INPP5K: variants seen among roughly 807,000 people sequenced by gnomAD.
INPP5K encodes the protein inositol polyphosphate-5-phosphatase K, also known as inositol polyphosphate 5-phosphatase K.
In INPP5K, 35 loss-of-function variants were observed where a neutral mutation model predicts 53.5. The ratio of observed to expected loss-of-function variants is 0.65; its 90% CI spans 0.50 to 0.87. The LOEUF is 0.87. INPP5K is among the 40% of genes least tolerant of loss of function. The pLI, the probability that INPP5K is intolerant of heterozygous loss-of-function variation, is 0.00. For synonymous variants in INPP5K, 253 were observed against 232.8 expected (o/e 1.09, Z -0.79); for missense variants, 550 against 586.2 (o/e 0.94, Z 0.64).
chr17:1,515,844 G>A (rs2075420846), intron 1 of INPP5K: 5 of 920,636 alleles, frequency 5.4e-6, no homozygotes, highest in Non-Finnish European at 6.5e-6. Flanking sequence ...AGAGGCTTAA[G>A]GAACAAAGAC....
chr17:1,512,353 G>C (rs999761844), intron 3 of INPP5K, among the ~76,000 whole-genome samples: 3 of 152,146 alleles, frequency 2.0e-5, no homozygotes, highest in African/African-American at 7.2e-5. Context: ...TCTACAGAAG[G>C]AGGCCTCTGG....
At chr17:1,498,344 CTG>C in intron 7 of INPP5K, 1 of 431,376 alleles carries the variant, frequency 2.3e-6, no homozygotes. Flanking sequence ...CCAGGACCCT[CTG>C]TATGTCTAGC....
chr17:1,496,380 T>A lies in INPP5K; in HGVS notation c.1124A>T (p.Asp375Val). 1 of 1,563,514 alleles carries A rather than the reference T, an allele frequency of 6.4e-7. No individual in the cohort carries two copies. The highest frequency in any genetic ancestry group is 2.4e-5 in the East Asian group (1 of 42,308). The stretch of plus-strand genomic sequence containing the variant: ...CCCGACCCAGGCATAGGACACGTAG[T>A]CATTAACGTCCCGCAGCCCCACCTG... The part of the protein sequence containing the change: ...LYKVGLRDVN[D>V]YVSYAWVGDS... Residue 375 changes from aspartate (D) to valine (V), a missense_variant, in exon 10 of 12, where the codon GAC becomes GTC. Transcript: ENST00000421807.
intron 7 of INPP5K, among the ~76,000 whole-genome samples, chr17:1,504,572 T>A (rs2150985301): frequency 6.6e-6 from 1 of 152,260 alleles, no homozygotes; most frequent in Non-Finnish European, 1.5e-5. Flanking sequence ...GGCTCATGAG[T>A]CTACAGACAC....
At chr17:1,513,754 A>C in intron 2 of INPP5K, 118 bp downstream of exon 2, 1 of 916,118 alleles carries the variant, frequency 1.1e-6, no homozygotes, top group Non-Finnish European at 1.7e-6. Flanking sequence ...CTGTCCCTGA[A>C]GCAGGCTGAA....
intron 7 of INPP5K, 70 bp from the exon 8 acceptor site, chr17:1,498,192 G>A (rs2074913192): frequency 1.5e-6 from 2 of 1,336,510 alleles, no homozygotes; most frequent in Admixed American, 2.1e-5. Flanking sequence ...GCAGAAATGA[G>A]CCCACATGAG....
At chr17:1,509,828 C>T in intron 3 of INPP5K, 29 bp from the exon 4 acceptor site, 2 of 1,413,620 alleles carry the variant, frequency 1.4e-6, no homozygotes, top group Non-Finnish European at 2.0e-6. Flanking sequence ...AAAGGTCGCT[C>T]ATTAAACCAC....
At chr17:1,508,539 C>T (rs539335033) in intron 5 of INPP5K, 147 of 377,882 alleles carry the variant, frequency 3.9e-4, no homozygotes, top group Admixed American at 5.1e-4. Flanking sequence ...GCCACAAGGT[C>T]CTTGACCTGT....
chr17:1,507,998 C>G (rs963524140), intron 6 of INPP5K, 117 bp downstream of exon 6: 1 of 782,130 alleles, frequency 1.3e-6, no homozygotes, highest in African/African-American at 1.7e-5. Flanking sequence ...CAGCCTCCCC[C>G]ACCAGACCTG....
intron 10 of INPP5K, 35 bp downstream of exon 10, chr17:1,496,284 G>T: frequency 6.5e-7 from 1 of 1,538,454 alleles, no homozygotes. Flanking sequence ...AGGCAGGCCT[G>T]CCTGCTGGTG....
chr17:1,514,992 C>T (rs1039428224), intron 1 of INPP5K, among the ~76,000 whole-genome samples: 6 of 151,270 alleles, frequency 4.0e-5, no homozygotes, highest in Non-Finnish European at 7.4e-5. Flanking sequence ...TCGCAGCCTC[C>T]GCCTCCCAGG....
At chr17:1,513,847 G>T in intron 2 of INPP5K, 25 bp downstream of exon 2, 1 of 1,545,662 alleles carries the variant, frequency 6.5e-7, no homozygotes, top group Non-Finnish European at 8.9e-7. Context: ...GTCAGGGATG[G>T]GCGAAGGAGC....
intron 9 of INPP5K, 45 bp downstream of exon 9, chr17:1,496,621 C>T (rs1457963790): frequency 2.5e-6 from 4 of 1,610,174 alleles, no homozygotes; most frequent in Non-Finnish European, 3.4e-6. Flanking sequence ...GAAGGATGAA[C>T]CAGGGGCTGT....
chr17:1,516,226 C>T (rs1003008512), intron 1 of INPP5K: 70 of 893,558 alleles, frequency 7.8e-5, no homozygotes, highest in Non-Finnish European at 9.8e-5. Flanking sequence ...CAGAAAGCAA[C>T]CGGGACACCT....
chr17:1,516,033 G>A (rs2075426493), intron 1 of INPP5K: 31 of 1,029,454 alleles, frequency 3.0e-5, no homozygotes, highest in Non-Finnish European at 3.6e-5. Context: ...ACCAGGCTAA[G>A]TCACTTCCCT....
chr17:1,516,307 C>G, intron 1 of INPP5K, 149 bp downstream of exon 1: 3 of 996,412 alleles, frequency 3.0e-6, no homozygotes, highest in East Asian at 6.2e-5. Flanking sequence ...CCCAACACAG[C>G]CCACCTGACA....
In INPP5K at chr17:1,497,936, C is replaced by T; in HGVS notation, c.963G>A (p.Glu321=). The change falls in exon 8 of 12, where the codon GAG becomes GAA. Residue 321 remains glutamate (E), a splice_region_variant and synonymous_variant. Transcript: ENST00000421807. ...HKPVSGTFDL[E]LKPLVSAPLI... ...AGTATCAGGCAGCCCAGAAGTTCAC[C>T]TCCAAGTCGAACGTGCCGGAGACAG... 1 of 1,611,348 alleles carries T rather than the reference C, an allele frequency of 6.2e-7. No individual in the cohort carries two copies. Among genetic ancestry groups the T allele is most frequent in the African/African-American group, 1.3e-5 (1 of 75,016 alleles).
At chr17:1,499,478 GCAAGACTCTATCTC>G (rs1477627736) in intron 7 of INPP5K, among the ~76,000 whole-genome samples, 2 of 152,016 alleles carry the variant, frequency 1.3e-5, no homozygotes, top group Non-Finnish European at 1.5e-5. Context: ...GGGCGACAGA[GCAAGACTCTATCTC>G]CAAAAAAAAA....
intron 4 of INPP5K, 74 bp from the exon 5 acceptor site, chr17:1,509,427 T>G: frequency 7.1e-7 from 1 of 1,416,520 alleles, no homozygotes; most frequent in Non-Finnish European, 9.8e-7. Context: ...ATCCTGGACC[T>G]GAGGGCAGAC....
Sources: allele counts gnomAD v4.1 joint callset (sites outside exome capture counted in the v4.1 genomes callset), GRCh38; gene constraint gnomAD v4.1.1; transcripts MANE v1.5; gene names NCBI Gene and HGNC (gene_info 2026-07-23, HGNC 2026-07-21).